The following NUDC variants were observed in gnomAD, a reference collection of about 807,000 sequenced individuals.
NUDC encodes nuclear migration protein nudC.
A neutral mutation model predicts 45.0 loss-of-function variants in NUDC; 14 were observed. The ratio of observed to expected loss-of-function variants is 0.31; its 90% CI spans 0.21 to 0.49. The LOEUF is 0.49. Ranked by LOEUF, NUDC falls within the 20% of genes least tolerant of loss-of-function variation. The probability of loss-of-function intolerance (pLI) is 0.99; values close to 1 mark genes in which losing one functional copy is unlikely to be tolerated. For synonymous variants in NUDC, 153 were observed against 156.7 expected (o/e 0.98, Z 0.17); for missense variants, 323 against 426.2 (o/e 0.76, Z 2.13).
chr1:26,905,151 A>ATTTTTTTT (rs1209319511), intron 2 of NUDC, among the ~76,000 whole-genome samples: 1 of 105,028 alleles, frequency 9.5e-6, no homozygotes, highest in African/African-American at 3.3e-5. Flanking sequence ...TATTATTATT[A>ATTTTTTTT]TTATTATTTT....
intron 6 of NUDC, 113 bp downstream of exon 6, chr1:26,943,178 C>G: frequency 9.4e-7 from 1 of 1,064,224 alleles, no homozygotes; most frequent in African/African-American, 1.5e-5. Context: ...ATCTTAATCC[C>G]CATGACAACA....
At position 26,942,791 on chromosome 1, in the gene NUDC, C is replaced by T. The variant is rs766069056; in HGVS notation, c.546+15C>T. 1 of 1,614,200 alleles carries T rather than the reference C, an allele frequency of 6.2e-7. No individual in the cohort carries two copies. Among genetic ancestry groups the T allele is most frequent in the Non-Finnish European group, 8.5e-7 (1 of 1,180,038 alleles). ...CGGAGCTGGACGTGAGTGTCAGGGA[C>T]CAGAGGTAAAGCTTAGGGGGCCAGC... is the stretch of plus-strand genomic sequence containing the variant. On this transcript the variant is annotated intron_variant, in intron 5 of 8. Coordinates refer to ENST00000321265, the MANE Select transcript of NUDC (RefSeq NM_006600.4).
intron 3 of NUDC, among the ~76,000 whole-genome samples, chr1:26,915,346 C>T (rs950373597): frequency 6.6e-6 from 1 of 152,192 alleles, no homozygotes; most frequent in African/African-American, 2.4e-5. Context: ...CACCTTGCTG[C>T]TGCCTGCTTT....
chr1:26,931,370 G>A (rs1343719580), intron 2 of NUDC, among the ~76,000 whole-genome samples: 4 of 134,480 alleles, frequency 3.0e-5, no homozygotes, highest in Admixed American at 2.3e-4. Context: ...GAACCACTGC[G>A]CCTGGCCTTT....
At chr1:26,917,027 A>G (rs71636797), upstream of NUDC, among the ~76,000 whole-genome samples, 23,709 of 151,952 alleles carry the variant, frequency 0.16, 1,996 homozygotes, top group African/African-American at 0.21. Flanking sequence ...GGAGACCAAG[A>G]CAGGCAGATC....
intron 3 of NUDC, chr1:26,912,215 C>G: frequency 1.0e-6 from 1 of 961,446 alleles, no homozygotes. Flanking sequence ...TGAGGTCCCA[C>G]TACTACCTCC....
intron 2 of NUDC, among the ~76,000 whole-genome samples, chr1:26,937,981 A>T (rs1372920427): frequency 6.6e-6 from 1 of 152,118 alleles, no homozygotes; most frequent in Non-Finnish European, 1.5e-5. Context: ...CTATTTCATA[A>T]AATTCTTCTG....
At chr1:26,940,690 G>A (rs1344064808) in intron 2 of NUDC, among the ~76,000 whole-genome samples, 1 of 151,958 alleles carries the variant, frequency 6.6e-6, no homozygotes, top group Non-Finnish European at 1.5e-5. Context: ...CACTTTTTTT[G>A]TTTTGGTTTT....
chr1:26,908,112 G>A (rs988698459), intron 2 of NUDC, among the ~76,000 whole-genome samples: 2 of 152,120 alleles, frequency 1.3e-5, no homozygotes, highest in South Asian at 4.1e-4. Flanking sequence ...CCGGGAGGCG[G>A]AGGTTGCAGT....
upstream of NUDC, among the ~76,000 whole-genome samples, chr1:26,919,284 T>A (rs748490238): frequency 3.9e-5 from 6 of 152,084 alleles, no homozygotes; most frequent in Non-Finnish European, 8.8e-5. Context: ...CTAGGGTACA[T>A]GTGCACAACG....
rs200263117 is a variant in NUDC, at chr1:26,941,735, C to T, written c.364-18C>T. Reference sequence around the variant, plus strand: ...AGCAGTGGGGTCCTGTTGCCAACTGCTGTGCTCTTTGCCCCAGAAAAAGGA... The same window carrying T: ...AGCAGTGGGGTCCTGTTGCCAACTGTTGTGCTCTTTGCCCCAGAAAAAGGA... On this transcript the variant is annotated intron_variant, in intron 3 of 8. Transcript: ENST00000321265. The T allele has an allele frequency of 6.2e-6, 10 of 1,614,140 alleles. No individual in the cohort carries two copies. In the Admixed American group the frequency reaches 1.7e-4, roughly 27 times the overall value.
intron 2 of NUDC, among the ~76,000 whole-genome samples, chr1:26,904,233 T>C (rs1309965956): frequency 6.7e-6 from 1 of 149,370 alleles, no homozygotes; most frequent in African/African-American, 2.5e-5. Context: ...AGTGATGCAA[T>C]CTTGGCTCAC....
chr1:26,920,662 C>T (rs181788640), upstream of NUDC, among the ~76,000 whole-genome samples: 139 of 151,992 alleles, frequency 9.1e-4, 1 homozygote, highest in African/African-American at 3.1e-3. Flanking sequence ...TGGCTCACAC[C>T]TGTAATCCCA....
chr1:26,939,683 C>G (rs1159831278), intron 2 of NUDC, among the ~76,000 whole-genome samples: 1 of 152,100 alleles, frequency 6.6e-6, no homozygotes, highest in African/African-American at 2.4e-5. Flanking sequence ...GAACTCAAAT[C>G]TAGGTGTGAT....
chr1:26,935,062 A>G (rs2082217226), intron 2 of NUDC, among the ~76,000 whole-genome samples: 1 of 151,126 alleles, frequency 6.6e-6, no homozygotes, highest in African/African-American at 2.4e-5. Flanking sequence ...GCTCACTGCA[A>G]CCTCTGCCTC....
In NUDC at chr1:26,945,114, G is replaced by A. The variant is rs549616182; in HGVS notation, c.742-276G>A. On this transcript the variant is annotated intron_variant, in intron 6 of 8. Transcript: ENST00000321265. ...TGCTTTGTGTCTTAAGACTCAGCCC[G>A]AGTGTCACTTTCAAACTTTTCTCCC... The A allele has an allele frequency of 6.7e-4, 372 of 552,356 alleles. 2 individuals are homozygous for A. Among genetic ancestry groups the A allele is most frequent in the Middle Eastern group, 9.7e-4 (2 of 2,064 alleles). 34.2% of individuals were successfully genotyped at this position (552,356 alleles called of 1,614,324 possible).
chr1:26,915,623 T>C (rs2082058255), intron 3 of NUDC, among the ~76,000 whole-genome samples: 1 of 152,166 alleles, frequency 6.6e-6, no homozygotes, highest in South Asian at 2.1e-4. Context: ...CATCACTTTT[T>C]GGTTATGTGA....
At chr1:26,916,388 TA>T (rs940580610) in intron 3 of NUDC, among the ~76,000 whole-genome samples, 1 of 149,424 alleles carries the variant, frequency 6.7e-6, no homozygotes, top group Admixed American at 6.7e-5. Flanking sequence ...AGACTCTGTC[TA>T]AAAAAAAACG....
chr1:26,901,081 G>A (rs777996637), intron 1 of NUDC, among the ~76,000 whole-genome samples: 2 of 152,162 alleles, frequency 1.3e-5, no homozygotes, highest in Non-Finnish European at 2.9e-5. Flanking sequence ...TGGTGGAAAT[G>A]TAAGTTGATA....
Sources: allele counts gnomAD v4.1 joint callset (sites outside exome capture counted in the v4.1 genomes callset), GRCh38; gene constraint gnomAD v4.1.1; transcripts MANE v1.5; gene names NCBI Gene and HGNC (gene_info 2026-07-23, HGNC 2026-07-21).